LRRC37A2: variants seen among roughly 807,000 people sequenced by gnomAD.
The protein encoded by LRRC37A2 is leucine-rich repeat-containing protein 37A2.
A neutral mutation model predicts 68.8 loss-of-function variants in LRRC37A2; 9 were observed. The observed-to-expected ratio is 0.13, with a 90% CI of 0.08 to 0.23. LRRC37A2 has a LOEUF of 0.23. LRRC37A2 is among the 10% of genes least tolerant of loss of function. The probability of loss-of-function intolerance (pLI) is 1.00; values close to 1 mark genes in which losing one functional copy is unlikely to be tolerated. For synonymous variants in LRRC37A2, 63 were observed against 367.6 expected (o/e 0.17, Z 9.48); for missense variants, 168 against 950.4 (o/e 0.18, Z 10.82).
the LRRC37A2 span, among the ~76,000 whole-genome samples, chr17:46,497,335 A>G: frequency 1.4e-5 from 2 of 147,730 alleles, no homozygotes; most frequent in Admixed American, 6.7e-5. Context: ...CCTTTTTATT[A>G]TTTGTTTTCT....
At chr17:46,744,741 G>T in the LRRC37A2 span, among the ~76,000 whole-genome samples, 1 of 152,272 alleles carries the variant, frequency 6.6e-6, no homozygotes, top group South Asian at 2.1e-4. Context: ...GTGGCAAAAG[G>T]CTTAGATGCT....
the LRRC37A2 span, among the ~76,000 whole-genome samples, chr17:46,830,240 G>T: frequency 6.6e-6 from 1 of 152,164 alleles, no homozygotes; most frequent in South Asian, 2.1e-4. Context: ...GTGTGGTAAT[G>T]TGGGAAATCA....
chr17:47,025,369 G>A, the LRRC37A2 span, among the ~76,000 whole-genome samples: 1 of 151,856 alleles, frequency 6.6e-6, no homozygotes, highest in East Asian at 1.9e-4. Context: ...AATTTAATCG[G>A]AATTAAATTA....
chr17:46,866,644 G>A, the LRRC37A2 span, among the ~76,000 whole-genome samples: 1 of 152,096 alleles, frequency 6.6e-6, no homozygotes, highest in African/African-American at 2.4e-5. Flanking sequence ...ACCCCGGGCA[G>A]CACAAGGCTT....
the LRRC37A2 span, among the ~76,000 whole-genome samples, chr17:46,807,057 G>C: frequency 6.6e-6 from 1 of 152,180 alleles, no homozygotes; most frequent in Non-Finnish European, 1.5e-5. Context: ...GGCCAGGAAC[G>C]AGAGACAGTC....
the LRRC37A2 span, among the ~76,000 whole-genome samples, chr17:46,622,257 A>T: frequency 6.9e-6 from 1 of 144,400 alleles, no homozygotes; most frequent in Non-Finnish European, 1.5e-5. Context: ...GGAGATCGAG[A>T]CCAGCCTGGC....
At chr17:47,028,087 T>C in the LRRC37A2 span, among the ~76,000 whole-genome samples, 2 of 152,246 alleles carry the variant, frequency 1.3e-5, no homozygotes, top group Non-Finnish European at 2.9e-5. Flanking sequence ...TTCACTGTTT[T>C]GTATCTAATG....
chr17:46,979,113 C>A, the LRRC37A2 span: 1 of 1,161,428 alleles, frequency 8.6e-7, no homozygotes, highest in Non-Finnish European at 1.1e-6. Flanking sequence ...CCGGCTCCTG[C>A]GGTACGGGGA....
At chr17:46,725,957 C>T in the LRRC37A2 span, among the ~76,000 whole-genome samples, 1 of 152,202 alleles carries the variant, frequency 6.6e-6, no homozygotes, top group Non-Finnish European at 1.5e-5. Context: ...TAAAACCGTT[C>T]CTTCACTGCT....
the LRRC37A2 span, among the ~76,000 whole-genome samples, chr17:46,621,326 G>A: frequency 7.3e-6 from 1 of 137,532 alleles, no homozygotes; most frequent in East Asian, 2.1e-4. Flanking sequence ...TCGCTCTGTT[G>A]CCCAGACTGG....
chr17:46,999,998 C>CAAAATAAAATAAATAAAATAAAATAAAT, the LRRC37A2 span, among the ~76,000 whole-genome samples: 2 of 48,354 alleles, frequency 4.1e-5, no homozygotes, highest in Non-Finnish European at 3.8e-5. Context: ...GACTCCATCT[C>CAAAATAAAATAAATAAAATAAAATAAAT]AAAATAAAAT....
chr17:46,923,017 T>A, the LRRC37A2 span: 4 of 639,038 alleles, frequency 6.3e-6, no homozygotes, highest in Middle Eastern at 8.2e-4. Context: ...GCCGGCCTCA[T>A]TTCTCCTTCC....
the LRRC37A2 span, among the ~76,000 whole-genome samples, chr17:46,922,394 A>G: frequency 2.0e-5 from 3 of 152,172 alleles, no homozygotes; most frequent in East Asian, 3.8e-4. Context: ...ATGACGAGTT[A>G]ATGGGTGCAG....
chr17:46,714,655 CAAT>C, the LRRC37A2 span, among the ~76,000 whole-genome samples: 1 of 152,200 alleles, frequency 6.6e-6, no homozygotes, highest in South Asian at 2.1e-4. Context: ...CAACAAAAAT[CAAT>C]GATGAAGACT....
the LRRC37A2 span, among the ~76,000 whole-genome samples, chr17:46,915,211 T>C: frequency 1.3e-5 from 2 of 152,174 alleles, no homozygotes; most frequent in African/African-American, 2.4e-5. Flanking sequence ...GAGGGTACGA[T>C]ATGGCTTTGC....
chr17:46,851,230 A>G, the LRRC37A2 span, among the ~76,000 whole-genome samples: 1 of 151,778 alleles, frequency 6.6e-6, no homozygotes, highest in African/African-American at 2.4e-5. This position sits in a 1 kb window ranked among gnomAD's most constrained non-coding sequence, Gnocchi z 4.3. Flanking sequence ...CGGAGAAGCC[A>G]TTGCGCTTGC....
At chr17:46,860,026 G>T in the LRRC37A2 span, among the ~76,000 whole-genome samples, 1 of 152,176 alleles carries the variant, frequency 6.6e-6, no homozygotes, top group African/African-American at 2.4e-5. Context: ...TGGAGGGAAG[G>T]AAAGGTAAAA....
At chr17:46,782,067 GCTGCGGCCCAGGGAAAGGCTCCCCTCC>G in the LRRC37A2 span, among the ~76,000 whole-genome samples, 1 of 152,242 alleles carries the variant, frequency 6.6e-6, no homozygotes, top group East Asian at 1.9e-4. Context: ...GGACCCAGGG[GCTGCGGCCCAGGGAAAGGCTCCCCTCC>G]TCCCTTCGGT....
the LRRC37A2 span, among the ~76,000 whole-genome samples, chr17:46,765,674 G>A: frequency 6.6e-6 from 1 of 152,218 alleles, no homozygotes; most frequent in African/African-American, 2.4e-5. Flanking sequence ...GCCGAGCCTG[G>A]GCCCATTGCT....
Sources: allele counts gnomAD v4.1 joint callset (sites outside exome capture counted in the v4.1 genomes callset), GRCh38; gene constraint gnomAD v4.1.1; non-coding constraint Gnocchi (gnomAD v3.1); transcripts MANE v1.5; gene names NCBI Gene and HGNC (gene_info 2026-07-23, HGNC 2026-07-21).